Variants in SRBD1 observed in about 807,000 individuals in gnomAD.
SRBD1 encodes the protein S1 RNA-binding domain-containing protein 1.
SRBD1 carries 88 observed loss-of-function variants against 115.3 expected under a neutral mutation model. The observed-to-expected ratio is 0.76, with a 90% CI of 0.64 to 0.91. The LOEUF (loss-of-function observed/expected upper bound fraction) is 0.91. SRBD1 is among the 40% of genes least tolerant of loss of function. The pLI is 0.00. For missense variants in SRBD1, 1,385 were observed against 1,177.4 expected (o/e 1.18, Z -2.58); for synonymous variants, 509 against 407.7 (o/e 1.25, Z -2.99).
chr2:45,541,501 A>C (rs558797948), intron 14 of SRBD1, among the ~76,000 whole-genome samples: 2 of 152,230 alleles, frequency 1.3e-5, no homozygotes, highest in African/African-American at 2.4e-5. Context: ...AGGTATGTGG[A>C]CAACTGGAGG....
intron 16 of SRBD1, among the ~76,000 whole-genome samples, chr2:45,432,458 T>C (rs566206181): frequency 6.6e-6 from 1 of 152,344 alleles, no homozygotes; most frequent in South Asian, 2.1e-4. Flanking sequence ...CTAAGAACAT[T>C]TCTAAGCAAC....
rs1460221354 is a variant in SRBD1, at chr2:45,389,616, G to C, written c.2699-17C>G. The C allele has an allele frequency of 6.2e-7, 1 of 1,607,408 alleles. No individual in the cohort carries two copies. The highest frequency in any genetic ancestry group is 1.1e-5 in the South Asian group (1 of 90,258). Reference sequence around the variant, plus strand: ...TATCAAAATCTGTAAGAGAAAAAAAGTAAGTGTAAATAAGGCATTGTACTT... The same window carrying C: ...TATCAAAATCTGTAAGAGAAAAAAACTAAGTGTAAATAAGGCATTGTACTT... On this transcript the variant is annotated splice_polypyrimidine_tract_variant and intron_variant, in intron 20 of 20. Transcript: ENST00000263736.
chr2:45,408,456 C>G lies in SRBD1; in HGVS notation c.2513+4658G>C, dbSNP rs578208201. On this transcript the variant is annotated intron_variant, in intron 19 of 20. Coordinates refer to ENST00000263736, the MANE Select transcript of SRBD1 (RefSeq NM_018079.5). ...AGAAGAAATTTCCCACTAAATACTT[C>G]ACAAATACCCTCCTCCTGAGAGACA... is the stretch of plus-strand genomic sequence containing the variant. Among the ~76,000 whole-genome samples the G allele has an allele frequency of 2.6e-5, 4 of 152,160 alleles. No individual in the cohort carries two copies. In the South Asian group the frequency reaches 8.3e-4, roughly 31 times the overall value.
intron 16 of SRBD1, among the ~76,000 whole-genome samples, chr2:45,423,375 T>A (rs1558383149): frequency 6.6e-6 from 1 of 152,152 alleles, no homozygotes; most frequent in Non-Finnish European, 1.5e-5. Flanking sequence ...TAACTTCACA[T>A]AAAATTAAAT....
chr2:45,428,320 G>A (rs1157672968), intron 16 of SRBD1, among the ~76,000 whole-genome samples: 1 of 152,158 alleles, frequency 6.6e-6, no homozygotes, highest in Non-Finnish European at 1.5e-5. Context: ...GGAGGCCGAG[G>A]CGGGCGGATC....
intron 10 of SRBD1, among the ~76,000 whole-genome samples, chr2:45,557,658 C>A (rs1672525103): frequency 6.6e-6 from 1 of 152,194 alleles, no homozygotes. Context: ...CAAAACAATT[C>A]CTGCCCTTCA....
intron 16 of SRBD1, among the ~76,000 whole-genome samples, chr2:45,439,377 A>ATC (rs1553332248): frequency 6.7e-6 from 1 of 148,814 alleles, no homozygotes. Context: ...ATATATATAT[A>ATC]TAAAACAATT....
chr2:45,521,481 T>C (rs567946458), intron 14 of SRBD1, among the ~76,000 whole-genome samples: 2 of 152,214 alleles, frequency 1.3e-5, no homozygotes, highest in East Asian at 3.9e-4. Flanking sequence ...TAGATGTCTA[T>C]AATTTTAAAA....
At chr2:45,608,010 A>C (rs908351072) in intron 1 of SRBD1, among the ~76,000 whole-genome samples, 3 of 152,210 alleles carry the variant, frequency 2.0e-5, no homozygotes, top group Non-Finnish European at 4.4e-5. Context: ...ATCACCTTAC[A>C]ATCACTCCTA....
At chr2:45,422,701 T>C (rs1668043016) in intron 16 of SRBD1, among the ~76,000 whole-genome samples, 1 of 152,196 alleles carries the variant, frequency 6.6e-6, no homozygotes, top group African/African-American at 2.4e-5. Flanking sequence ...AAAGAGTAAC[T>C]CTGCAGAGTT....
chr2:45,560,077 CCT>C (rs1008647233), intron 10 of SRBD1, among the ~76,000 whole-genome samples: 5 of 151,676 alleles, frequency 3.3e-5, no homozygotes, highest in African/African-American at 1.2e-4. Flanking sequence ...AGAGTGAGAC[CCT>C]GTCTCAAAAA....
intron 16 of SRBD1, among the ~76,000 whole-genome samples, chr2:45,452,565 T>C (rs1201029709): frequency 6.6e-6 from 1 of 152,030 alleles, no homozygotes; most frequent in African/African-American, 2.4e-5. Context: ...TTCATCCTAA[T>C]TTGAATAAAT....
At chr2:45,408,595 G>A (rs1000598868) in intron 19 of SRBD1, among the ~76,000 whole-genome samples, 26 of 152,174 alleles carry the variant, frequency 1.7e-4, no homozygotes, top group African/African-American at 5.6e-4. Context: ...CTGTTTACAG[G>A]AGAAATTCAA....
At chr2:45,542,481 C>T (rs1671975992) in intron 14 of SRBD1, among the ~76,000 whole-genome samples, 1 of 152,218 alleles carries the variant, frequency 6.6e-6, no homozygotes, top group Non-Finnish European at 1.5e-5. Context: ...GCTCCCATCA[C>T]CTGTGGAGCA....
intron 18 of SRBD1, among the ~76,000 whole-genome samples, chr2:45,415,506 GTGTGTA>G (rs1370484398): frequency 2.7e-5 from 4 of 146,124 alleles, no homozygotes; most frequent in Non-Finnish European, 4.5e-5. Flanking sequence ...TGTATATATA[GTGTGTA>G]TGTGTATATG....
At chr2:45,438,702 G>A (rs962235572) in intron 16 of SRBD1, among the ~76,000 whole-genome samples, 13 of 152,080 alleles carry the variant, frequency 8.5e-5, no homozygotes, top group Non-Finnish European at 1.6e-4. Flanking sequence ...AAGGAGAGGC[G>A]AGGATGGGGG....
chr2:45,501,598 G>A (rs894978126), intron 14 of SRBD1, among the ~76,000 whole-genome samples: 10 of 152,126 alleles, frequency 6.6e-5, no homozygotes, highest in Non-Finnish European at 1.2e-4. Flanking sequence ...CCCTAACACC[G>A]TGCTTTTCCA....
chr2:45,390,279 T>C lies in SRBD1; in HGVS notation c.2699-680A>G, dbSNP rs376338462. Reference sequence around the variant, plus strand: ...AACATTTGTTAACTCTATTATCTCCTGGCCAGGCACTCTGCTGGGTGCTAG... The same window carrying C: ...AACATTTGTTAACTCTATTATCTCCCGGCCAGGCACTCTGCTGGGTGCTAG... On this transcript the variant is annotated intron_variant, in intron 20 of 20. Coordinates refer to ENST00000263736, the MANE Select transcript of SRBD1 (RefSeq NM_018079.5). Among the ~76,000 whole-genome samples, 319 of 152,358 alleles carry C rather than the reference T, an allele frequency of 2.1e-3. 1 individual carries two copies. The highest frequency in any genetic ancestry group is 7.5e-3 in the African/African-American group (312 of 41,592).
At chr2:45,600,360 T>C (rs1324615090) in intron 3 of SRBD1, among the ~76,000 whole-genome samples, 14 of 152,192 alleles carry the variant, frequency 9.2e-5, no homozygotes, top group Non-Finnish European at 1.9e-4. Context: ...TTTCTTCCCA[T>C]TGCATGTCAA....
Sources: gnomAD v4.1 joint callset for allele counts (sites outside exome capture counted in the v4.1 genomes callset) on GRCh38, gnomAD v4.1.1 for gene constraint, MANE v1.5 for transcripts, NCBI Gene and HGNC (gene_info 2026-07-23, HGNC 2026-07-21) for gene names.